The following TBC1D14 variants were observed in gnomAD, a reference collection of about 807,000 sequenced individuals.
TBC1D14 encodes TBC1 domain family, member 14.
In TBC1D14, 26 loss-of-function variants were observed where a neutral mutation model predicts 79.0. The ratio of observed to expected loss-of-function variants is 0.33; its 90% confidence interval spans 0.24 to 0.46. The LOEUF (loss-of-function observed/expected upper bound fraction) is 0.46, where lower values mean the gene tolerates loss of function less well. Among genes scored for constraint, TBC1D14 ranks in the 20% least tolerant of loss-of-function variants. The probability of loss-of-function intolerance (pLI) is 1.00; values close to 1 mark genes in which losing one functional copy is unlikely to be tolerated. For synonymous variants in TBC1D14, 394 were observed against 349.9 expected, an observed-to-expected ratio of 1.13 and a Z score of -1.40; for missense variants, 769 against 887.6, an observed-to-expected ratio of 0.87 and a Z score of 1.70.
chr4:6,958,934 AGTGCAGTG>A (rs935470417), intron 2 of TBC1D14, among the ~76,000 whole-genome samples: 4 of 150,070 alleles, frequency 2.7e-5, no homozygotes, highest in African/African-American at 4.9e-5. Context: ...CCCAGGCTGG[AGTGCAGTG>A]GTGGGATCTC....
intron 2 of TBC1D14, among the ~76,000 whole-genome samples, chr4:6,953,090 A>G (rs1380178162): frequency 6.9e-6 from 1 of 145,796 alleles, no homozygotes; most frequent in Non-Finnish European, 1.5e-5. Context: ...CAATGGTGCA[A>G]TCTTGGCCCA....
rs552117766 is a variant in TBC1D14 at position 6,910,998 on chromosome 4, A to G, written c.-18+1047A>G. On this transcript the variant is annotated intron_variant, in intron 1 of 13. Transcript: ENST00000409757. ...CCAGTATTGTAGGATGTTGGCACCT[A>G]GTTGCTGTCTTGCCTAGCTTTTATA... 7.2e-5 allele frequency among the ~76,000 whole-genome samples: 11 copies of G among 152,208 alleles called. No homozygotes were observed. The East Asian group carries it at 2.1e-3, about 29-fold the overall frequency.
chr4:7,011,954 T>TTAAGGTTTAC (rs1395754636), intron 11 of TBC1D14, among the ~76,000 whole-genome samples: 2 of 152,160 alleles, frequency 1.3e-5, no homozygotes, highest in African/African-American at 4.8e-5. Flanking sequence ...CCTTGATATC[T>TTAAGGTTTAC]TAAGGTTTAC....
At chr4:6,958,531 C>T (rs1408051655) in intron 2 of TBC1D14, among the ~76,000 whole-genome samples, 3 of 152,084 alleles carry the variant, frequency 2.0e-5, no homozygotes, top group African/African-American at 4.8e-5. Context: ...TGGGCTCAAG[C>T]GATTCCCCCC....
intron 2 of TBC1D14, among the ~76,000 whole-genome samples, chr4:6,940,806 G>A (rs1176517101): frequency 1.3e-5 from 2 of 152,174 alleles, no homozygotes; most frequent in Admixed American, 6.5e-5. Flanking sequence ...ACCTGTCTCC[G>A]AGCTGGCAGC....
chr4:7,013,343 TG>T (rs1277925707), intron 11 of TBC1D14, among the ~76,000 whole-genome samples: 1 of 152,216 alleles, frequency 6.6e-6, no homozygotes, highest in African/African-American at 2.4e-5. Context: ...CACTCCCTTT[TG>T]GGAGCCACCG....
At chr4:6,972,216 C>T (rs555921935) in intron 3 of TBC1D14, among the ~76,000 whole-genome samples, 9 of 152,274 alleles carry the variant, frequency 5.9e-5, no homozygotes, top group South Asian at 2.1e-4. Flanking sequence ...CCCTTGCCTT[C>T]GTTGGAATTT....
intron 2 of TBC1D14, among the ~76,000 whole-genome samples, chr4:6,963,755 C>T (rs1210039804): frequency 6.6e-6 from 1 of 152,194 alleles, no homozygotes; most frequent in Non-Finnish European, 1.5e-5. Context: ...AAAGTCATGG[C>T]CTATCATATG....
intron 2 of TBC1D14, among the ~76,000 whole-genome samples, chr4:6,943,039 A>G (rs1353541051): frequency 2.0e-5 from 3 of 152,200 alleles, no homozygotes; most frequent in African/African-American, 4.8e-5. Context: ...GTTGATTTCC[A>G]GGCCATGCTC....
At chr4:6,995,377 TA>T (rs1718911609) in intron 4 of TBC1D14, 1 of 152,198 alleles carries the variant, frequency 6.6e-6, no homozygotes, top group Non-Finnish European at 1.5e-5. Flanking sequence ...TGTTGACAGT[TA>T]TTAGTGTATT....
intron 2 of TBC1D14, among the ~76,000 whole-genome samples, chr4:6,965,995 T>C (rs1715668082): frequency 6.6e-6 from 1 of 152,270 alleles, no homozygotes; most frequent in African/African-American, 2.4e-5. Flanking sequence ...GATCATTTCC[T>C]AGCTCCATTG....
At chr4:6,924,337 A>T (rs1724111184) in intron 2 of TBC1D14, among the ~76,000 whole-genome samples, 1 of 152,082 alleles carries the variant, frequency 6.6e-6, no homozygotes, top group Non-Finnish European at 1.5e-5. Context: ...GTCTGTTGTC[A>T]CATCTCTGCC....
At chr4:6,952,162 C>T (rs769977914) in intron 2 of TBC1D14, among the ~76,000 whole-genome samples, 7 of 152,160 alleles carry the variant, frequency 4.6e-5, no homozygotes, top group Admixed American at 6.5e-5. Flanking sequence ...TAAGTGCATG[C>T]GGCCGTTCAG....
intron 2 of TBC1D14, among the ~76,000 whole-genome samples, chr4:6,945,253 G>A (rs1713317407): frequency 6.6e-6 from 1 of 152,156 alleles, no homozygotes; most frequent in African/African-American, 2.4e-5. Flanking sequence ...GAAGCCTGCT[G>A]GGTTAGGAAT....
In TBC1D14 at chr4:6,930,040, C is replaced by T. The variant is rs115667141; in HGVS notation, c.722+5929C>T. Among the ~76,000 whole-genome samples the T allele has an allele frequency of 3.4e-3, 511 of 152,200 alleles. 1 individual carries two copies. Among genetic ancestry groups the T allele is most frequent in the African/African-American group, 0.011 (463 of 41,522 alleles). On this transcript the variant is annotated intron_variant, in intron 2 of 13. Coordinates refer to ENST00000409757, the MANE Select transcript of TBC1D14 (RefSeq NM_020773.3). Reference sequence around the variant, plus strand: ...TAACGTGATCAGAAAGGGGGAAGTGCGGGGCTGGGAGAGCAAAAGGAGATG... The same window carrying T: ...TAACGTGATCAGAAAGGGGGAAGTGTGGGGCTGGGAGAGCAAAAGGAGATG...
chr4:6,953,150 G>A (rs1190672373), intron 2 of TBC1D14, among the ~76,000 whole-genome samples: 5 of 148,154 alleles, frequency 3.4e-5, no homozygotes, highest in Admixed American at 2.0e-4. Context: ...TCAGCCTCCC[G>A]AGTAGCTGGG....
intron 2 of TBC1D14, among the ~76,000 whole-genome samples, chr4:6,958,548 G>A (rs6446555): frequency 0.97 from 148,127 of 152,258 alleles, 72,190 homozygotes; most frequent in Middle Eastern, 1. Flanking sequence ...CCCCACTTCA[G>A]CCTCCCAAGT....
chr4:6,973,505 C>T (rs1011800589), intron 3 of TBC1D14, among the ~76,000 whole-genome samples: 5 of 152,216 alleles, frequency 3.3e-5, no homozygotes, highest in African/African-American at 7.2e-5. Context: ...ACATTCCACC[C>T]GGTGTCACCC....
chr4:7,006,690 T>A lies in TBC1D14; in HGVS notation c.1410T>A (p.Ile470=), dbSNP rs1282262514. Residue 470 remains isoleucine, a synonymous_variant, in exon 9 of 14, where the codon ATT becomes ATA. Transcript: ENST00000409757. Reference sequence around the variant, plus strand: ...GTCTGGAGCTTATTAAACTGGACATTTCTAGAACATTTCCTAATCTCTGCA... The same window carrying A: ...GTCTGGAGCTTATTAAACTGGACATATCTAGAACATTTCCTAATCTCTGCA... ...EASLELIKLD[I]SRTFPNLCIF... is the part of the protein sequence containing the mutation. 1 of 1,613,848 alleles carries A rather than the reference T, an allele frequency of 6.2e-7. No individual in the cohort carries two copies. The highest frequency in any genetic ancestry group is 8.5e-7 in the Non-Finnish European group (1 of 1,179,954).
Sources: gnomAD v4.1 joint callset for allele counts (sites outside exome capture counted in the v4.1 genomes callset) on GRCh38, gnomAD v4.1.1 for gene constraint, MANE v1.5 for transcripts, NCBI Gene and HGNC (gene_info 2026-07-23, HGNC 2026-07-21) for gene names.